The following GPC6 variants were observed in gnomAD, a reference collection of about 807,000 sequenced individuals.
GPC6 encodes the protein glypican-6.
GPC6 carries 14 observed loss-of-function variants against 55.2 expected under a neutral mutation model. That is an observed-to-expected ratio of 0.25 (90% CI 0.17 to 0.40). GPC6 has a LOEUF of 0.40. Ranked by LOEUF, GPC6 falls within the 10% of genes least tolerant of loss-of-function variation. The probability of loss-of-function intolerance (pLI) is 1.00; values close to 1 mark genes in which losing one functional copy is unlikely to be tolerated. For synonymous variants in GPC6, 278 were observed against 259.6 expected, an observed-to-expected ratio of 1.07 and a Z score of -0.68; for missense variants, 641 against 708.5, an observed-to-expected ratio of 0.90 and a Z score of 1.08.
intron 4 of GPC6, among the ~76,000 whole-genome samples, chr13:94,122,908 C>T (rs1418314876): frequency 6.6e-6 from 1 of 152,064 alleles, no homozygotes; most frequent in Non-Finnish European, 1.5e-5. Context: ...AACATGTTTA[C>T]TTCTGTAGTG....
chr13:93,937,906 A>G (rs1399555783), intron 3 of GPC6, among the ~76,000 whole-genome samples: 1 of 152,200 alleles, frequency 6.6e-6, no homozygotes, highest in Non-Finnish European at 1.5e-5. Context: ...AATTTATAAG[A>G]AAGAGTAATT....
At chr13:93,230,750 A>G (rs1309183749) in intron 1 of GPC6, among the ~76,000 whole-genome samples, 3 of 152,136 alleles carry the variant, frequency 2.0e-5, no homozygotes, top group Non-Finnish European at 4.4e-5. Flanking sequence ...CATCAGAATT[A>G]TGACCTAAGT....
At chr13:94,252,231 C>G (rs1216642706) in intron 4 of GPC6, among the ~76,000 whole-genome samples, 4 of 152,134 alleles carry the variant, frequency 2.6e-5, no homozygotes, top group Non-Finnish European at 5.9e-5. Flanking sequence ...AGAAGCAGAA[C>G]TGTTCATCAT....
At chr13:94,053,947 A>AT (rs1491442693) in intron 4 of GPC6, among the ~76,000 whole-genome samples, 1 of 152,080 alleles carries the variant, frequency 6.6e-6, no homozygotes, top group Non-Finnish European at 1.5e-5. Flanking sequence ...CTGAAAAAAA[A>AT]GAGAGGGGCT....
At chr13:94,263,044 T>C (rs944842) in intron 4 of GPC6, among the ~76,000 whole-genome samples, 59,319 of 151,976 alleles carry the variant, frequency 0.39, 11,673 homozygotes, top group African/African-American at 0.42. Context: ...CAATCACATG[T>C]CAAGCATTGG....
In GPC6 at chr13:93,757,021, C is replaced by A. The variant is rs187421752; in HGVS notation, c.320-73133C>A. On this transcript the variant is annotated intron_variant, in intron 2 of 8. Transcript: ENST00000377047. ...TACATCGCAAAGATTCTACTTCAAA[C>A]CCTTTATGACTCCCTTGTTCTACAG... Among the ~76,000 whole-genome samples, 3 of 152,242 alleles carry A rather than the reference C, an allele frequency of 2.0e-5. No homozygotes were observed. The East Asian group carries it at 5.8e-4, about 29-fold the overall frequency.
intron 1 of GPC6, among the ~76,000 whole-genome samples, chr13:93,303,253 C>G (rs1298706693): frequency 6.6e-6 from 1 of 152,156 alleles, no homozygotes; most frequent in Non-Finnish European, 1.5e-5. Flanking sequence ...ACCTTTTCAA[C>G]AGTTCAAATT....
chr13:93,677,008 A>G (rs1257130371), intron 2 of GPC6, among the ~76,000 whole-genome samples: 1 of 152,152 alleles, frequency 6.6e-6, no homozygotes, highest in African/African-American at 2.4e-5. Flanking sequence ...AATAAAGATA[A>G]GATTGTTCCT....
At chr13:93,236,181 G>T (rs61963744) in intron 1 of GPC6, among the ~76,000 whole-genome samples, 23,391 of 152,178 alleles carry the variant, frequency 0.15, 2,046 homozygotes, top group Middle Eastern at 0.25. Context: ...TCAGATGGGA[G>T]CTGATGATCA....
At chr13:94,197,394 G>C (rs1337091503) in intron 4 of GPC6, among the ~76,000 whole-genome samples, 1 of 152,150 alleles carries the variant, frequency 6.6e-6, no homozygotes, top group African/African-American at 2.4e-5. Context: ...CCACAAACTG[G>C]GTGTCTTAAA....
intron 3 of GPC6, among the ~76,000 whole-genome samples, chr13:93,834,399 A>T (rs1370277017): frequency 6.6e-6 from 1 of 152,180 alleles, no homozygotes; most frequent in Non-Finnish European, 1.5e-5. Flanking sequence ...TAAGCAATAC[A>T]TTGTTTAGGA....
intron 2 of GPC6, among the ~76,000 whole-genome samples, chr13:93,684,862 A>G (rs1336447379): frequency 1.3e-5 from 2 of 152,208 alleles, no homozygotes; most frequent in Non-Finnish European, 2.9e-5. Context: ...GGAGCCATAG[A>G]TAATTTATCT....
chr13:93,880,525 G>A (rs1228347616), intron 3 of GPC6, among the ~76,000 whole-genome samples: 1 of 152,062 alleles, frequency 6.6e-6, no homozygotes, highest in Non-Finnish European at 1.5e-5. Flanking sequence ...GAGATCACAT[G>A]GACACAGGAA....
In GPC6 at chr13:93,227,133, T is replaced by G. The variant is rs1875815083; in HGVS notation, c.-324T>G. On this transcript the variant is annotated 5_prime_UTR_variant, in exon 1 of 9. Transcript: ENST00000377047. The surrounding 1 kb of genome is among the most constrained non-coding windows in gnomAD (Gnocchi z 4.3). ...CGGCTCGGAACTCGGATTGCAGCTCTGAACCCCCATGGTGGTTTTTTAAAC... is the reference window on the plus strand; with the variant it reads ...CGGCTCGGAACTCGGATTGCAGCTCGGAACCCCCATGGTGGTTTTTTAAAC... 9.7e-6 allele frequency: 2 copies of G among 205,764 alleles called. No homozygotes were observed. Among genetic ancestry groups the G allele is most frequent in the Non-Finnish European group, 2.0e-5 (2 of 102,510 alleles). The allele number at this position is 205,764 out of a possible 1,614,324, so 12.7% of individuals were successfully genotyped here.
intron 1 of GPC6, among the ~76,000 whole-genome samples, chr13:93,261,255 C>T (rs1445373430): frequency 6.6e-6 from 1 of 152,138 alleles, no homozygotes; most frequent in Non-Finnish European, 1.5e-5. Flanking sequence ...CAATTGCAGA[C>T]TGGTCTTTTA....
intron 2 of GPC6, among the ~76,000 whole-genome samples, chr13:93,797,843 C>T (rs1280716330): frequency 3.3e-5 from 5 of 152,098 alleles, no homozygotes; most frequent in African/African-American, 1.2e-4. Flanking sequence ...GTGACTGTTT[C>T]GAACATGTGA....
chr13:93,556,626 G>A (rs949385454), intron 2 of GPC6, among the ~76,000 whole-genome samples: 4 of 151,636 alleles, frequency 2.6e-5, no homozygotes, highest in African/African-American at 9.7e-5. Context: ...CAAATAATAG[G>A]TTTTATTTAT....
intron 1 of GPC6, among the ~76,000 whole-genome samples, chr13:93,261,929 CA>C (rs1877163073): frequency 1.5e-5 from 1 of 67,656 alleles, no homozygotes; most frequent in African/African-American, 7.9e-5. Context: ...TCCCTCTACA[CA>C]CACACACACA....
rs532797282 is a variant in GPC6 at position 94,353,257 on chromosome 13, C to G, written c.1153-29157C>G. ...TGGCATCGAAGTTCAAGACCACCGA[C>G]AAGCAAAAATGAGTGCGGCTTTGCA... On this transcript the variant is annotated intron_variant, in intron 6 of 8. Transcript: ENST00000377047. 6.6e-5 allele frequency among the ~76,000 whole-genome samples: 10 copies of G among 152,258 alleles called. No individual in the cohort carries two copies. In the South Asian group the frequency reaches 2.1e-3, roughly 32 times the overall value.
Sources: allele counts gnomAD v4.1 joint callset (sites outside exome capture counted in the v4.1 genomes callset), GRCh38; gene constraint gnomAD v4.1.1; non-coding constraint Gnocchi (gnomAD v3.1); transcripts MANE v1.5; gene names NCBI Gene and HGNC (gene_info 2026-07-23, HGNC 2026-07-21).